The following ZNF148 variants were observed in gnomAD, a reference collection of about 807,000 sequenced individuals.
ZNF148 encodes the protein zinc finger protein 148.
Under a neutral mutation model 67.7 loss-of-function variants are expected in ZNF148, and 7 were observed. That is an observed-to-expected ratio of 0.10 (90% CI 0.06 to 0.19). The LOEUF is 0.19. Among genes scored for constraint, ZNF148 ranks in the 10% least tolerant of loss-of-function variants. The pLI, the probability that ZNF148 is intolerant of heterozygous loss-of-function variation, is 1.00. For synonymous variants in ZNF148, 333 were observed against 330.7 expected (o/e 1.01, Z -0.08); for missense variants, 583 against 947.1 (o/e 0.62, Z 5.05).
At chr3:125,264,717 T>C (rs1937492340) in intron 7 of ZNF148, among the ~76,000 whole-genome samples, 1 of 152,238 alleles carries the variant, frequency 6.6e-6, no homozygotes, top group Admixed American at 6.5e-5. Context: ...CTGAAATGCC[T>C]TTCATGTCCA....
chr3:125,296,773 A>T (rs947386097), intron 4 of ZNF148, among the ~76,000 whole-genome samples: 27 of 152,340 alleles, frequency 1.8e-4, no homozygotes, highest in African/African-American at 6.5e-4. Context: ...ATTATAATAC[A>T]GCTATATGGC....
At chr3:125,252,096 AAG>A (rs1936864709) in intron 7 of ZNF148, among the ~76,000 whole-genome samples, 1 of 152,116 alleles carries the variant, frequency 6.6e-6, no homozygotes, top group Non-Finnish European at 1.5e-5. Context: ...TGTTTCTGTG[AAG>A]TGTCTATTCA....
intron 1 of ZNF148, among the ~76,000 whole-genome samples, chr3:125,335,228 A>G (rs1278774053): frequency 1.3e-5 from 2 of 152,208 alleles, no homozygotes; most frequent in Admixed American, 1.3e-4. Context: ...CCCAGTGCCT[A>G]AAACAGTGCC....
In ZNF148 at chr3:125,269,529, G is replaced by T. The variant is rs534157521; in HGVS notation, c.667+8197C>A. Among the ~76,000 whole-genome samples the T allele has an allele frequency of 2.6e-5, 4 of 151,488 alleles. No homozygotes were observed. The East Asian group carries it at 7.8e-4, about 29-fold the overall frequency. Reference sequence around the variant, plus strand: ...ATTGGTAGACGTGAATTATTTCAGCGACTGTGAAAAACAGTCTGGAGATTT... The same window carrying T: ...ATTGGTAGACGTGAATTATTTCAGCTACTGTGAAAAACAGTCTGGAGATTT... On this transcript the variant is annotated intron_variant, in intron 7 of 8. Coordinates refer to ENST00000360647, the MANE Select transcript of ZNF148 (RefSeq NM_021964.3).
intron 7 of ZNF148, among the ~76,000 whole-genome samples, chr3:125,257,289 C>A (rs4679374): frequency 6.6e-6 from 1 of 152,090 alleles, no homozygotes; most frequent in South Asian, 2.1e-4. Context: ...CGGTGGCTCA[C>A]GCCTGTAATC....
chr3:125,279,804 TA>T (rs1214317143), intron 5 of ZNF148, among the ~76,000 whole-genome samples: 3 of 151,830 alleles, frequency 2.0e-5, no homozygotes, highest in African/African-American at 7.3e-5. Context: ...AACTTTTGTA[TA>T]TAAAAGGTAC....
In ZNF148 at chr3:125,297,650, TAATC is replaced by T. The variant is rs769721029; in HGVS notation, c.334-9426_334-9423del. Reference sequence around the variant, plus strand: ...TAAATTGTCAATAAACATGAAAAGATAATCAATTTCATTAGTTACTAGTGAAATG... The same window carrying T: ...TAAATTGTCAATAAACATGAAAAGATAATTTCATTAGTTACTAGTGAAATG... On this transcript the variant is annotated intron_variant, in intron 4 of 8. Transcript: ENST00000360647. 2.4e-4 allele frequency among the ~76,000 whole-genome samples: 35 copies of T among 147,572 alleles called. 1 individual carries two copies. The highest frequency in any genetic ancestry group is 4.6e-4 in the Non-Finnish European group (31 of 67,948).
At chr3:125,294,801 A>C (rs1939199569) in intron 4 of ZNF148, among the ~76,000 whole-genome samples, 1 of 152,212 alleles carries the variant, frequency 6.6e-6, no homozygotes, top group Admixed American at 6.5e-5. Flanking sequence ...ACAGTAATTA[A>C]GACAGAAAGA....
intron 7 of ZNF148, among the ~76,000 whole-genome samples, chr3:125,259,031 T>C (rs567978994): frequency 1.1e-4 from 16 of 152,254 alleles, no homozygotes; most frequent in African/African-American, 2.9e-4. Flanking sequence ...AAAAATAAAA[T>C]TAAACATGAT....
chr3:125,312,830 A>T (rs928825140), intron 4 of ZNF148, among the ~76,000 whole-genome samples: 1 of 152,172 alleles, frequency 6.6e-6, no homozygotes, highest in Non-Finnish European at 1.5e-5. Context: ...TAGATAGGAA[A>T]GAGTAAAGGG....
In ZNF148 at chr3:125,230,433, TGG is replaced by T. The variant is rs1560098366; in HGVS notation, c.*1906_*1907del. The T allele has an allele frequency of 6.6e-6, 1 of 152,586 alleles. No individual in the cohort carries two copies. The highest frequency in any genetic ancestry group is 2.4e-5 in the African/African-American group (1 of 41,444). The allele number at this position is 152,586 out of a possible 1,614,324, so 9.5% of individuals were successfully genotyped here. ...AGAAGTCTTAAATTCTTGAAAACTT[TGG>T]CAGCAAAGAAAGCTGTCAAACGGGA... On this transcript the variant is annotated 3_prime_UTR_variant, in exon 9 of 9. Transcript: ENST00000360647.
At chr3:125,301,414 TAGAG>T (rs1253179850) in intron 4 of ZNF148, among the ~76,000 whole-genome samples, 2 of 152,202 alleles carry the variant, frequency 1.3e-5, no homozygotes, top group Non-Finnish European at 1.5e-5. Flanking sequence ...CTGAGTGACT[TAGAG>T]AGCCAAAATA....
At chr3:125,261,183 C>T (rs986268168) in intron 7 of ZNF148, among the ~76,000 whole-genome samples, 14 of 152,270 alleles carry the variant, frequency 9.2e-5, no homozygotes, top group African/African-American at 2.6e-4. Context: ...ATAGATAATA[C>T]ATTAAGGAAC....
chr3:125,260,742 T>C (rs1229208597), intron 7 of ZNF148, among the ~76,000 whole-genome samples: 1 of 152,308 alleles, frequency 6.6e-6, no homozygotes, highest in Non-Finnish European at 1.5e-5. Context: ...GTAAAGCTTA[T>C]TGTATGTAAA....
chr3:125,335,217 T>A (rs1229942388), intron 1 of ZNF148, among the ~76,000 whole-genome samples: 1 of 152,210 alleles, frequency 6.6e-6, no homozygotes, highest in Non-Finnish European at 1.5e-5. Context: ...CACTGACATA[T>A]CCCAGTGCCT....
chr3:125,292,438 T>C (rs971178224), intron 4 of ZNF148: 1 of 152,212 alleles, frequency 6.6e-6, no homozygotes, highest in East Asian at 1.9e-4. Flanking sequence ...ATTAACTAGA[T>C]GAACTGATCA....
intron 5 of ZNF148, 105 bp from the exon 6 acceptor site, chr3:125,279,352 T>A: frequency 1.1e-6 from 1 of 914,038 alleles, no homozygotes. Context: ...CACCACAGAT[T>A]ATGAAATATT....
chr3:125,295,682 T>C (rs909045811), intron 4 of ZNF148, among the ~76,000 whole-genome samples: 1 of 152,164 alleles, frequency 6.6e-6, no homozygotes, highest in African/African-American at 2.4e-5. Context: ...ATGCCGAACT[T>C]TGCTCACCTG....
intron 2 of ZNF148, among the ~76,000 whole-genome samples, chr3:125,326,762 A>C (rs984273052): frequency 5.4e-5 from 8 of 147,688 alleles, no homozygotes; most frequent in Non-Finnish European, 4.5e-5. Context: ...ATACATATAA[A>C]GATATATATA....
Sources: allele counts gnomAD v4.1 joint callset (sites outside exome capture counted in the v4.1 genomes callset), GRCh38; gene constraint gnomAD v4.1.1; transcripts MANE v1.5; gene names NCBI Gene and HGNC (gene_info 2026-07-23, HGNC 2026-07-21).